NOS1: variants seen among roughly 807,000 people sequenced by gnomAD.
NOS1 encodes the protein NOS type I.
A neutral mutation model predicts 164.5 loss-of-function variants in NOS1; 51 were observed. The ratio of observed to expected loss-of-function variants is 0.31; its 90% CI spans 0.25 to 0.39. NOS1 has a LOEUF of 0.39. Among genes scored for constraint, NOS1 ranks in the 10% least tolerant of loss-of-function variants. The probability of loss-of-function intolerance (pLI) is 1.00; values close to 1 mark genes in which losing one functional copy is unlikely to be tolerated. For synonymous variants in NOS1, 719 were observed against 745.8 expected (o/e 0.96, Z 0.59); for missense variants, 1,362 against 1,885.6 (o/e 0.72, Z 5.14).
In NOS1 at chr12:117,211,008, G is replaced by A; in HGVS notation, c.*4301C>T. ...GTCTTGCTCTGTCACCCAGGCTGGA[G>A]TGCAGTGGTACAATCTTGGCTCACT... On this transcript the variant is annotated 3_prime_UTR_variant, in exon 29 of 29. Coordinates refer to ENST00000317775, the MANE Select transcript of NOS1 (RefSeq NM_000620.5). The A allele has an allele frequency of 1.1e-6, 1 of 876,708 alleles. No individual in the cohort carries two copies. Among genetic ancestry groups the A allele is most frequent in the Non-Finnish European group, 1.4e-6 (1 of 731,258 alleles). The allele number at this position is 876,708 out of a possible 1,614,324, so 54.3% of individuals were successfully genotyped here.
chr12:117,211,470 T>G lies in NOS1; in HGVS notation c.*3839A>C. 4 of 984,694 alleles carry G rather than the reference T, an allele frequency of 4.1e-6. No individual in the cohort carries two copies. Among genetic ancestry groups the G allele is most frequent in the Non-Finnish European group, 4.8e-6 (4 of 829,280 alleles). 61.0% of individuals were successfully genotyped at this position (984,694 alleles called of 1,614,324 possible). On this transcript the variant is annotated 3_prime_UTR_variant, in exon 29 of 29. Transcript: ENST00000317775. ...TTTCCAAGTATAACTCCAATCGCCT[T>G]AATGTCCCTTTTTGAAAAACATTCT...
chr12:117,256,784 T>C (rs1195998829), intron 16 of NOS1, among the ~76,000 whole-genome samples: 1 of 152,020 alleles, frequency 6.6e-6, no homozygotes, highest in East Asian at 2.0e-4. Flanking sequence ...TAACAAAAAT[T>C]TTTTTGTCAT....
intron 26 of NOS1, among the ~76,000 whole-genome samples, chr12:117,220,961 C>T (rs1483644916): frequency 6.6e-6 from 1 of 151,884 alleles, no homozygotes; most frequent in African/African-American, 2.4e-5. Flanking sequence ...GATACTCCCA[C>T]CCTAGTAGTC....
rs1418538265 is a variant in NOS1 at position 117,208,772 on chromosome 12, GAGTGC to G, written c.*6532_*6536del. 1.0e-6 allele frequency: 1 copy of G among 984,088 alleles called. No homozygotes were observed. The highest frequency in any genetic ancestry group is 1.2e-6 in the Non-Finnish European group (1 of 827,378). The allele number at this position is 984,088 out of a possible 1,614,324, so 61.0% of individuals were successfully genotyped here. A position where few individuals can be genotyped will look rare whatever the true frequency, so the allele number is the denominator to read the frequency against. ...AGGGTCTCATTCTGTCAACAAGCTG[GAGTGC>G]AGTGGTGCCATCTCGGCTCACTGCA... On this transcript the variant is annotated 3_prime_UTR_variant, in exon 29 of 29. Transcript: ENST00000317775.
chr12:117,298,583 A>G (rs1333486546), intron 3 of NOS1, among the ~76,000 whole-genome samples: 1 of 152,194 alleles, frequency 6.6e-6, no homozygotes, highest in Non-Finnish European at 1.5e-5. Context: ...GAGGAAATCA[A>G]GTTAAAAACG....
rs560553522 is a variant in NOS1 at position 117,214,692 on chromosome 12, G to A, written c.*617C>T. 1.2e-5 allele frequency: 12 copies of A among 985,288 alleles called. No individual in the cohort carries two copies. The highest frequency in any genetic ancestry group is 1.0e-3 in the Middle Eastern group (2 of 1,914). 61.0% of individuals were successfully genotyped at this position (985,288 alleles called of 1,614,324 possible). ...TTCCAAATGTTTCAGGTACATGGGC[G>A]TGGACCCTAATTATGGACACACGAG... On this transcript the variant is annotated 3_prime_UTR_variant, in exon 29 of 29. Coordinates refer to ENST00000317775, the MANE Select transcript of NOS1 (RefSeq NM_000620.5).
chr12:117,250,088 G>GGGAA (rs1275544406), intron 17 of NOS1, among the ~76,000 whole-genome samples: 1 of 152,152 alleles, frequency 6.6e-6, no homozygotes, highest in East Asian at 1.9e-4. Flanking sequence ...AGATTGAGAT[G>GGGAA]GGAAGGAAGG....
chr12:117,251,055 A>C (rs1871066688), intron 17 of NOS1, among the ~76,000 whole-genome samples: 1 of 152,002 alleles, frequency 6.6e-6, no homozygotes, highest in South Asian at 2.1e-4. Context: ...CCTTTGGGAG[A>C]TGATTAGGTC....
Position 117,209,345 on chromosome 12 carries a change from A to G in NOS1, c.*5964T>C. The G allele has an allele frequency of 3.1e-6, 3 of 974,152 alleles. No homozygotes were observed. Among genetic ancestry groups the G allele is most frequent in the Non-Finnish European group, 2.4e-6 (2 of 819,710 alleles). The allele number at this position is 974,152 out of a possible 1,614,324, so 60.3% of individuals were successfully genotyped here. On this transcript the variant is annotated 3_prime_UTR_variant, in exon 29 of 29. Transcript: ENST00000317775. The stretch of plus-strand genomic sequence containing the variant: ...GCTGCTCAGCTTCCTACAGTACCCA[A>G]GACGGCCCCCACAAGAAAGAATTAC...
intron 1 of NOS1, among the ~76,000 whole-genome samples, chr12:117,357,647 C>T (rs1170407105): frequency 6.6e-5 from 10 of 152,106 alleles, no homozygotes; most frequent in African/African-American, 2.4e-4. Flanking sequence ...TCTCCTGGAG[C>T]AACCTTGTTA....
chr12:117,299,219 C>T (rs900018501), intron 3 of NOS1, among the ~76,000 whole-genome samples: 3 of 152,230 alleles, frequency 2.0e-5, no homozygotes, highest in Non-Finnish European at 2.9e-5. Flanking sequence ...CTTATCCGTA[C>T]AATTAAAAAA....
rs1872897360 is a variant in NOS1 at position 117,272,888 on chromosome 12, C to T, written c.1665-329G>A. On this transcript the variant is annotated intron_variant, in intron 9 of 28. Transcript: ENST00000317775. The surrounding 1 kb of genome is among the most constrained non-coding windows in gnomAD (Gnocchi z 4.3). The stretch of plus-strand genomic sequence containing the variant: ...TCTCTCCCCCTTCCCCGACTGAGCA[C>T]CCTCCTACCCTCAGGGCCTTTGCAC... Among the ~76,000 whole-genome samples, 1 of 152,182 alleles carries T rather than the reference C, an allele frequency of 6.6e-6. No homozygotes were observed.
At chr12:117,251,366 A>T (rs7961096) in intron 17 of NOS1, among the ~76,000 whole-genome samples, 1 of 152,106 alleles carries the variant, frequency 6.6e-6, no homozygotes, top group Non-Finnish European at 1.5e-5. Context: ...CAGGCGGTTG[A>T]TTCATTAATA....
intron 13 of NOS1, among the ~76,000 whole-genome samples, chr12:117,261,178 CAAAAAAAAAAAA>C (rs534260940): frequency 1.3e-5 from 1 of 77,268 alleles, no homozygotes; most frequent in Admixed American, 1.4e-4. Flanking sequence ...GACTCTGCCT[CAAAAAAAAAAAA>C]AAAAAAAAAA....
In NOS1 at chr12:117,210,139, ATTTTTTTT is replaced by A. The variant is rs146442744; in HGVS notation, c.*5162_*5169del. On this transcript the variant is annotated 3_prime_UTR_variant, in exon 29 of 29. Coordinates refer to ENST00000317775, the MANE Select transcript of NOS1 (RefSeq NM_000620.5). ...AGGAGCATGCCATCATGCCCAGCTA[ATTTTTTTT>A]TTTTTTTTTTTTTAGTAGAGACGAG... 1.4e-3 allele frequency: 401 copies of A among 290,736 alleles called. No individual in the cohort carries two copies. The highest frequency in any genetic ancestry group is 4.9e-3 in the Middle Eastern group (3 of 616). The allele number at this position is 290,736 out of a possible 1,614,324, so 18.0% of individuals were successfully genotyped here.
intron 1 of NOS1, among the ~76,000 whole-genome samples, chr12:117,344,198 T>C (rs902191226): frequency 6.6e-6 from 1 of 152,230 alleles, no homozygotes; most frequent in Non-Finnish European, 1.5e-5. Flanking sequence ...GCTGGCCACA[T>C]GGAGCTAAAG....
chr12:117,264,146 AG>A (rs11314930), intron 12 of NOS1, among the ~76,000 whole-genome samples, 172 bp from the exon 13 acceptor site: 57,455 of 113,900 alleles, frequency 0.5, 13,525 homozygotes, highest in Middle Eastern at 0.62. Context: ...GGTTGGGGGG[AG>A]GGGGGGGGTC....
intron 2 of NOS1, among the ~76,000 whole-genome samples, chr12:117,315,142 A>AG (rs910197770): frequency 2.0e-5 from 3 of 152,312 alleles, no homozygotes; most frequent in African/African-American, 7.2e-5. Flanking sequence ...TAAATAATGC[A>AG]GTTGAAGTGT....
intron 10 of NOS1, among the ~76,000 whole-genome samples, chr12:117,269,461 TTTG>T (rs1566050202): frequency 2.3e-5 from 1 of 43,928 alleles, no homozygotes; most frequent in Non-Finnish European, 6.3e-5. Flanking sequence ...TCTCTGGAGA[TTTG>T]TTTTTTTTTT....
Sources: gnomAD v4.1 joint callset for allele counts (sites outside exome capture counted in the v4.1 genomes callset) on GRCh38, gnomAD v4.1.1 for gene constraint, Gnocchi (gnomAD v3.1) non-coding constraint, MANE v1.5 for transcripts, NCBI Gene and HGNC (gene_info 2026-07-23, HGNC 2026-07-21) for gene names.